Variants in SEPTIN11 observed in about 807,000 individuals in gnomAD.
SEPTIN11 encodes septin 11.
Under a neutral mutation model 51.4 loss-of-function variants are expected in SEPTIN11, and 25 were observed. That is an observed-to-expected ratio of 0.49 (90% CI 0.35 to 0.68). The LOEUF (loss-of-function observed/expected upper bound fraction) is 0.68. Ranked by LOEUF, SEPTIN11 falls within the 30% of genes least tolerant of loss-of-function variation. The probability of loss-of-function intolerance (pLI) is 0.00; values close to 1 mark genes in which losing one functional copy is unlikely to be tolerated. For missense variants in SEPTIN11, 381 were observed against 520.8 expected, an observed-to-expected ratio of 0.73 and a Z score of 2.61; for synonymous variants, 174 against 184.1, an observed-to-expected ratio of 0.95 and a Z score of 0.44.
chr4:76,967,485 T>C (rs1444930189), intron 1 of SEPTIN11, among the ~76,000 whole-genome samples: 1 of 152,186 alleles, frequency 6.6e-6, no homozygotes, highest in African/African-American at 2.4e-5. Flanking sequence ...GAAAAACACA[T>C]GCCACCTCTT....
intron 9 of SEPTIN11, chr4:77,031,208 G>A: frequency 2.3e-6 from 1 of 440,834 alleles, no homozygotes; most frequent in East Asian, 4.7e-5. Flanking sequence ...GGAGGAACCT[G>A]TTGTCTCCAG....
In SEPTIN11 at chr4:77,035,808, A is replaced by G; in HGVS notation, c.*1296A>G. On this transcript the variant is annotated 3_prime_UTR_variant, in exon 10 of 10. Coordinates refer to ENST00000264893, the MANE Select transcript of SEPTIN11 (RefSeq NM_018243.4). ...ATGCCTAATTTGTATGGAAGAGTGCATATTTAATCTCTTTTCTATACTGCT... is the reference window on the plus strand; with the variant it reads ...ATGCCTAATTTGTATGGAAGAGTGCGTATTTAATCTCTTTTCTATACTGCT... 1 of 985,822 alleles carries G rather than the reference A, an allele frequency of 1.0e-6. No homozygotes were observed. The highest frequency in any genetic ancestry group is 1.2e-6 in the Non-Finnish European group (1 of 829,932). The allele number at this position is 985,822 out of a possible 1,614,324, so 61.1% of individuals were successfully genotyped here. A position where few individuals can be genotyped will look rare whatever the true frequency, so the allele number is the denominator to read the frequency against.
chr4:77,028,095 A>G (rs1250223855), intron 7 of SEPTIN11, among the ~76,000 whole-genome samples: 1 of 152,096 alleles, frequency 6.6e-6, no homozygotes, highest in African/African-American at 2.4e-5. Context: ...GGCACTGACT[A>G]TATGTTCGAT....
At chr4:76,989,623 A>G (rs1723244047) in intron 1 of SEPTIN11, among the ~76,000 whole-genome samples, 1 of 152,244 alleles carries the variant, frequency 6.6e-6, no homozygotes, top group African/African-American at 2.4e-5. Flanking sequence ...ATTAAAATAC[A>G]GTCATGTACT....
chr4:77,016,657 C>CACATATATATAT (rs1725327815), intron 5 of SEPTIN11, among the ~76,000 whole-genome samples: 2 of 79,218 alleles, frequency 2.5e-5, no homozygotes, highest in Non-Finnish European at 4.7e-5. Context: ...TATATATATA[C>CACATATATATAT]ACATATATAT....
intron 3 of SEPTIN11, among the ~76,000 whole-genome samples, chr4:77,008,844 A>C (rs1474930421): frequency 1.3e-5 from 2 of 152,222 alleles, no homozygotes; most frequent in Non-Finnish European, 2.9e-5. Flanking sequence ...AATTCAGGGA[A>C]GTTTTAATTG....
chr4:76,994,674 T>C (rs1433219627), intron 1 of SEPTIN11, among the ~76,000 whole-genome samples: 1 of 152,204 alleles, frequency 6.6e-6, no homozygotes, highest in African/African-American at 2.4e-5. Flanking sequence ...ATTTTAGAGC[T>C]GATATGGACT....
chr4:76,998,798 A>G (rs953717904), intron 2 of SEPTIN11, among the ~76,000 whole-genome samples: 1 of 152,016 alleles, frequency 6.6e-6, no homozygotes, highest in African/African-American at 2.4e-5. Context: ...CAGCCGAGCA[A>G]CCTCAGGGGA....
Position 77,037,756 on chromosome 4 carries a change from G to T in SEPTIN11, c.*3244G>T. On this transcript the variant is annotated 3_prime_UTR_variant, in exon 10 of 10. Coordinates refer to ENST00000264893, the MANE Select transcript of SEPTIN11 (RefSeq NM_018243.4). ...GAAAAGCATTGATGAGAATTTATTGGCAGTTCAGATTGTGTTTTCCCAACT... is the reference window on the plus strand; with the variant it reads ...GAAAAGCATTGATGAGAATTTATTGTCAGTTCAGATTGTGTTTTCCCAACT... 1 of 985,830 alleles carries T rather than the reference G, an allele frequency of 1.0e-6. No homozygotes were observed. The highest frequency in any genetic ancestry group is 1.2e-6 in the Non-Finnish European group (1 of 829,932). The allele number at this position is 985,830 out of a possible 1,614,324, so 61.1% of individuals were successfully genotyped here. A position where few individuals can be genotyped will look rare whatever the true frequency, so the allele number is the denominator to read the frequency against.
chr4:77,039,779 ATCCT>A (rs1727262003), downstream of SEPTIN11: 2 of 966,482 alleles, frequency 2.1e-6, no homozygotes, highest in Non-Finnish European at 2.5e-6. Flanking sequence ...AGAAGTGGGC[ATCCT>A]TCCTTTAAAT....
rs529326331 is a variant in SEPTIN11, at chr4:77,035,855, C to T, written c.*1343C>T. 47 of 985,904 alleles carry T rather than the reference C, an allele frequency of 4.8e-5. 1 individual carries two copies. In the East Asian group the frequency reaches 5.1e-3, roughly 107 times the overall value. The allele number at this position is 985,904 out of a possible 1,614,324, so 61.1% of individuals were successfully genotyped here. A position where few individuals can be genotyped will look rare whatever the true frequency, so the allele number is the denominator to read the frequency against. ...TGCTCCTTTCTGATGCTTATCCTTT[C>T]ATCTGTGTGATTGTTTTTTCCCCTC... On this transcript the variant is annotated 3_prime_UTR_variant, in exon 10 of 10. Coordinates refer to ENST00000264893, the MANE Select transcript of SEPTIN11 (RefSeq NM_018243.4).
rs1210713110 is a variant in SEPTIN11, at chr4:77,036,123, TC to T, written c.*1613del. The stretch of plus-strand genomic sequence containing the variant: ...ACTTAGAGGAAAGAAGGAATGGTCT[TC>T]CATGAACTGATTATGCTTAATTAAG... On this transcript the variant is annotated 3_prime_UTR_variant, in exon 10 of 10. Transcript: ENST00000264893. The T allele has an allele frequency of 2.0e-6, 2 of 986,724 alleles. No individual in the cohort carries two copies. Among genetic ancestry groups the T allele is most frequent in the Non-Finnish European group, 2.4e-6 (2 of 830,698 alleles). 61.1% of individuals were successfully genotyped at this position (986,724 alleles called of 1,614,324 possible). A position where few individuals can be genotyped will look rare whatever the true frequency, so the allele number is the denominator to read the frequency against.
At chr4:76,951,725 G>T (rs1164530926) in intron 1 of SEPTIN11, among the ~76,000 whole-genome samples, 2 of 152,312 alleles carry the variant, frequency 1.3e-5, no homozygotes, top group Middle Eastern at 3.4e-3. Context: ...GAAATAATTA[G>T]CTGCACATTT....
At chr4:76,978,427 G>A (rs983281853) in intron 1 of SEPTIN11, among the ~76,000 whole-genome samples, 12 of 152,120 alleles carry the variant, frequency 7.9e-5, no homozygotes, top group Admixed American at 4.6e-4. Flanking sequence ...CATGTCCCTT[G>A]ATGGCCAACA....
intron 1 of SEPTIN11, among the ~76,000 whole-genome samples, chr4:76,950,498 AAC>A (rs1319444353): frequency 6.6e-6 from 1 of 152,226 alleles, no homozygotes; most frequent in African/African-American, 2.4e-5. Flanking sequence ...AGCCCCAGAT[AAC>A]ACACACAAAG....
intron 3 of SEPTIN11, among the ~76,000 whole-genome samples, chr4:77,010,266 T>C (rs1724769755): frequency 6.6e-6 from 1 of 152,146 alleles, no homozygotes; most frequent in African/African-American, 2.4e-5. Flanking sequence ...TGTATTATGG[T>C]TTTAGGCTTG....
rs374614904 is a variant in SEPTIN11 at position 76,996,529 on chromosome 4, C to T, written c.132C>T (p.Ile44=). The change falls in exon 2 of 10, where the codon ATC becomes ATT. Residue 44 remains isoleucine (I), a synonymous_variant. Transcript: ENST00000264893. ...KSTSQGFCFN[I]LCVGETGIGK... ...CTTCTCAAGGATTCTGTTTCAACATCCTTTGTGTTGGTAAGTTATTCATCA... is the reference window on the plus strand; with the variant it reads ...CTTCTCAAGGATTCTGTTTCAACATTCTTTGTGTTGGTAAGTTATTCATCA... 1.2e-6 allele frequency: 2 copies of T among 1,612,492 alleles called. No individual in the cohort carries two copies. Among genetic ancestry groups the T allele is most frequent in the Non-Finnish European group, 1.7e-6 (2 of 1,178,572 alleles).
intron 2 of SEPTIN11, among the ~76,000 whole-genome samples, chr4:77,002,766 G>GTT (rs1368936454): frequency 4.2e-5 from 6 of 143,530 alleles, no homozygotes; most frequent in African/African-American, 7.6e-5. Flanking sequence ...TTTATGGAGG[G>GTT]TTTTTTTTTT....
At chr4:76,975,141 A>G (rs1722432016) in intron 1 of SEPTIN11, among the ~76,000 whole-genome samples, 1 of 151,996 alleles carries the variant, frequency 6.6e-6, no homozygotes, top group African/African-American at 2.4e-5. Context: ...AAAAAGAAAA[A>G]AAAAAAAAAG....
Sources: gnomAD v4.1 joint callset for allele counts (sites outside exome capture counted in the v4.1 genomes callset) on GRCh38, gnomAD v4.1.1 for gene constraint, MANE v1.5 for transcripts, NCBI Gene and HGNC (gene_info 2026-07-23, HGNC 2026-07-21) for gene names.